The following ADAMTSL1 variants were observed in gnomAD, a reference collection of about 807,000 sequenced individuals.
ADAMTSL1 encodes the protein ADAMTS-like protein 1.
A neutral mutation model predicts 201.8 loss-of-function variants in ADAMTSL1; 126 were observed. The ratio of observed to expected loss-of-function variants is 0.62; its 90% CI spans 0.54 to 0.72. ADAMTSL1 has a LOEUF of 0.72. ADAMTSL1 is among the 30% of genes least tolerant of loss of function. The pLI is 0.00. For synonymous variants in ADAMTSL1, 1,121 were observed against 903.4 expected (o/e 1.24, Z -4.32); for missense variants, 2,679 against 2,277.8 (o/e 1.18, Z -3.59).
At position 18,681,882 on chromosome 9, in the gene ADAMTSL1, C is replaced by A. The variant is rs150468859; in HGVS notation, c.1412C>A (p.Thr471Lys). ...TGCATCGACCATCGAGGAATGCACA[C>A]AGGAGGCTGTAGCCCAAAAACAAAG... ...VLCIDHRGMH[T>K]GGCSPKTKPH... The change falls in exon 12 of 29, where the codon ACA becomes AAA. Residue 471 changes from threonine (T) to lysine (K), a missense_variant. Transcript: ENST00000380548. The A allele has an allele frequency of 6.7e-4, 1,080 of 1,614,056 alleles. No individual in the cohort carries two copies. Among genetic ancestry groups the A allele is most frequent in the Non-Finnish European group, 8.7e-4 (1,021 of 1,179,956 alleles).
At chr9:18,107,523 G>A (rs540103033) in intron 1 of ADAMTSL1, among the ~76,000 whole-genome samples, 6 of 152,214 alleles carry the variant, frequency 3.9e-5, no homozygotes, top group South Asian at 2.1e-4. Flanking sequence ...ATAAGGAGCC[G>A]AAGTTCTAGA....
intron 1 of ADAMTSL1, among the ~76,000 whole-genome samples, chr9:17,987,826 A>G (rs1818990365): frequency 6.6e-6 from 1 of 152,096 alleles, no homozygotes; most frequent in African/African-American, 2.4e-5. Flanking sequence ...AGACTCAGTC[A>G]GCAGTTGAGA....
At chr9:18,023,066 A>G (rs1820545345) in intron 1 of ADAMTSL1, among the ~76,000 whole-genome samples, 1 of 152,112 alleles carries the variant, frequency 6.6e-6, no homozygotes, top group Non-Finnish European at 1.5e-5. Context: ...GTTTGGAAAT[A>G]TTTATAAAGT....
At chr9:17,974,530 C>T (rs190993411) in intron 1 of ADAMTSL1, among the ~76,000 whole-genome samples, 37 of 152,042 alleles carry the variant, frequency 2.4e-4, no homozygotes, top group Admixed American at 2.3e-3. Flanking sequence ...ATGTTCCCAC[C>T]CCTCAGCCCC....
intron 1 of ADAMTSL1, among the ~76,000 whole-genome samples, chr9:17,986,029 T>C (rs1386633861): frequency 2.0e-5 from 3 of 152,132 alleles, no homozygotes; most frequent in Non-Finnish European, 4.4e-5. Context: ...AATTCTTTGA[T>C]ATGTGAAGTA....
At position 18,257,157 on chromosome 9, in the gene ADAMTSL1, G is replaced by T. The variant is rs552091274; in HGVS notation, c.207+93176G>T. On this transcript the variant is annotated intron_variant, in intron 2 of 29. Transcript: ENST00000680146. ...TATCAATTACAAAAATTAGATGTCA[G>T]GTATGGTGATCATCACAACACAATT... Among the ~76,000 whole-genome samples the T allele has an allele frequency of 2.0e-4, 30 of 152,098 alleles. No individual in the cohort carries two copies. In the South Asian group the frequency reaches 6.3e-3, roughly 32 times the overall value.
rs536789063 is a variant in ADAMTSL1 at position 18,494,480 on chromosome 9, G to C, written c.64-10349G>C. Among the ~76,000 whole-genome samples, 6 of 152,176 alleles carry C rather than the reference G, an allele frequency of 3.9e-5. No individual in the cohort carries two copies. In the South Asian group the frequency reaches 1.2e-3, roughly 32 times the overall value. On this transcript the variant is annotated intron_variant, in intron 1 of 28. Transcript: ENST00000380548. ...GTACACAAGTCAAATGAAATAAAAAGATGTGAGCAAGATGGTGAGGAGGGG... is the reference window on the plus strand; with the variant it reads ...GTACACAAGTCAAATGAAATAAAAACATGTGAGCAAGATGGTGAGGAGGGG...
chr9:18,204,037 G>A (rs1170344312), intron 2 of ADAMTSL1, among the ~76,000 whole-genome samples: 2 of 152,126 alleles, frequency 1.3e-5, no homozygotes, highest in Non-Finnish European at 2.9e-5. Flanking sequence ...AGGGCGCTAA[G>A]TATCACCTCC....
chr9:18,425,859 GA>G (rs71304881), intron 2 of ADAMTSL1, among the ~76,000 whole-genome samples: 1,505 of 94,616 alleles, frequency 0.016, 37 homozygotes, highest in African/African-American at 0.061. Flanking sequence ...CCTGTCTCAA[GA>G]AAAAAAAAAA....
intron 1 of ADAMTSL1, among the ~76,000 whole-genome samples, chr9:17,982,339 G>T (rs371640111): frequency 6.6e-6 from 1 of 152,170 alleles, no homozygotes; most frequent in African/African-American, 2.4e-5. Context: ...ACCAGGCCAG[G>T]TGTGGTGGCT....
chr9:18,071,966 T>G (rs78974148), intron 1 of ADAMTSL1, among the ~76,000 whole-genome samples: 1,555 of 152,288 alleles, frequency 0.01, 21 homozygotes, highest in African/African-American at 0.036. Flanking sequence ...TGTTTTAATA[T>G]AGAACAAGCT....
At chr9:18,102,475 A>G (rs1051452619) in intron 1 of ADAMTSL1, among the ~76,000 whole-genome samples, 2 of 152,230 alleles carry the variant, frequency 1.3e-5, no homozygotes, top group African/African-American at 4.8e-5. Context: ...ATTCAGCATG[A>G]GAAGAGGGTC....
At chr9:18,607,051 A>AT (rs1825065524) in intron 4 of ADAMTSL1, among the ~76,000 whole-genome samples, 1 of 152,176 alleles carries the variant, frequency 6.6e-6, no homozygotes, top group Non-Finnish European at 1.5e-5. Flanking sequence ...TGAGCAATCC[A>AT]TGTAAGCCTT....
At chr9:17,976,089 A>G (rs1012224692) in intron 1 of ADAMTSL1, among the ~76,000 whole-genome samples, 13 of 151,980 alleles carry the variant, frequency 8.6e-5, no homozygotes, top group African/African-American at 2.7e-4. Context: ...CATTGTGTCT[A>G]TTTTTATGTG....
intron 1 of ADAMTSL1, among the ~76,000 whole-genome samples, chr9:17,942,003 A>G (rs1440843931): frequency 2.0e-5 from 3 of 152,114 alleles, no homozygotes; most frequent in Non-Finnish European, 4.4e-5. Flanking sequence ...GGAGGTTACA[A>G]TTTCAATATC....
chr9:18,305,421 G>C (rs111566300), intron 2 of ADAMTSL1, among the ~76,000 whole-genome samples: 10,721 of 152,228 alleles, frequency 0.07, 1,223 homozygotes, highest in African/African-American at 0.24. Context: ...CAGGGGATCC[G>C]ACCCCCACAG....
intron 5 of ADAMTSL1, among the ~76,000 whole-genome samples, chr9:18,632,179 C>T (rs1360935749): frequency 6.6e-6 from 1 of 152,140 alleles, no homozygotes; most frequent in African/African-American, 2.4e-5. Context: ...ACTCTGTGCA[C>T]AATATTGTAA....
chr9:18,345,735 T>C (rs926062687), intron 2 of ADAMTSL1, among the ~76,000 whole-genome samples: 12 of 152,128 alleles, frequency 7.9e-5, no homozygotes, highest in African/African-American at 2.9e-4. Context: ...GGAATGAACA[T>C]GCATCTCAGA....
chr9:18,656,628 C>CAAAAAAAAAA (rs34965386), intron 7 of ADAMTSL1, among the ~76,000 whole-genome samples: 30 of 75,300 alleles, frequency 4.0e-4, no homozygotes, highest in Admixed American at 6.7e-4. Flanking sequence ...GACTCCATCG[C>CAAAAAAAAAA]AAAAAAAAAA....
Sources: allele counts gnomAD v4.1 joint callset (sites outside exome capture counted in the v4.1 genomes callset), GRCh38; gene constraint gnomAD v4.1.1; transcripts MANE v1.5; gene names NCBI Gene and HGNC (gene_info 2026-07-23, HGNC 2026-07-21).